Variants in PTPRN2 observed in about 807,000 individuals in gnomAD.
The protein encoded by PTPRN2 is protein tyrosine phosphatase receptor type N2.
A neutral mutation model predicts 118.8 loss-of-function variants in PTPRN2; 74 were observed. The ratio of observed to expected loss-of-function variants is 0.62; its 90% CI spans 0.52 to 0.76. PTPRN2 has a LOEUF of 0.76. Among genes scored for constraint, PTPRN2 ranks in the 30% least tolerant of loss-of-function variants. The pLI is 0.00. For synonymous variants in PTPRN2, 641 were observed against 608.0 expected (o/e 1.05, Z -0.80); for missense variants, 1,481 against 1,394.4 (o/e 1.06, Z -0.99).
At chr7:158,043,895 T>C (rs995495155) in intron 11 of PTPRN2, among the ~76,000 whole-genome samples, 1 of 152,188 alleles carries the variant, frequency 6.6e-6, no homozygotes, top group Non-Finnish European at 1.5e-5. Flanking sequence ...ATAAAATGTG[T>C]GAGACTGATT....
At position 157,603,884 on chromosome 7, in the gene PTPRN2, C is replaced by T. The variant is rs1030001989; in HGVS notation, c.2418+118G>A. ...AATGGGCAGAGTCGGCCCTGTCCAC[C>T]GCAGAGACGCTGAGCTGGGTGGGGA... On this transcript the variant is annotated intron_variant, in intron 16 of 22. Transcript: ENST00000389418. The surrounding 1 kb of genome is among the most constrained non-coding windows in gnomAD (Gnocchi z 5.4). The T allele has an allele frequency of 8.4e-5, 81 of 964,514 alleles. No homozygotes were observed. Among genetic ancestry groups the T allele is most frequent in the Middle Eastern group, 4.3e-4 (2 of 4,662 alleles). 59.7% of individuals were successfully genotyped at this position (964,514 alleles called of 1,614,324 possible). A position where few individuals can be genotyped will look rare whatever the true frequency, so the allele number is the denominator to read the frequency against.
At chr7:158,230,413 C>G (rs368850053) in intron 3 of PTPRN2, among the ~76,000 whole-genome samples, 17 of 151,626 alleles carry the variant, frequency 1.1e-4, no homozygotes, top group African/African-American at 4.1e-4. Flanking sequence ...GAATGAAGCC[C>G]AAAAGACAAA....
At chr7:158,425,985 G>T (rs1815720124) in intron 2 of PTPRN2, among the ~76,000 whole-genome samples, 1 of 99,744 alleles carries the variant, frequency 1.0e-5, no homozygotes, top group Non-Finnish European at 2.0e-5. Context: ...GCCTAGCTGG[G>T]GCCTGCGCAC....
rs948417065 is a variant in PTPRN2 at position 158,555,017 on chromosome 7, G to A, written c.112+32541C>T. 6.6e-6 allele frequency among the ~76,000 whole-genome samples: 1 copy of A among 152,222 alleles called. No individual in the cohort carries two copies. The highest frequency in any genetic ancestry group is 2.4e-5 in the African/African-American group (1 of 41,530). ...TCCTCGACTACCAACTCCCCTCACC[G>A]GAGATGCCTGCCTGGGCCCTGAATT... On this transcript the variant is annotated intron_variant, in intron 1 of 22. Transcript: ENST00000389418. This position sits in a 1 kb window ranked among gnomAD's most constrained non-coding sequence, Gnocchi z 4.7.
chr7:157,761,889 C>CAAACA (rs1429564129), intron 12 of PTPRN2, among the ~76,000 whole-genome samples: 2 of 151,974 alleles, frequency 1.3e-5, no homozygotes, highest in African/African-American at 4.8e-5. Flanking sequence ...ACAATGAACT[C>CAAACA]AAACAAATTT....
intron 2 of PTPRN2, among the ~76,000 whole-genome samples, chr7:158,372,488 A>G (rs1372517663): frequency 3.6e-5 from 5 of 139,666 alleles, no homozygotes; most frequent in Non-Finnish European, 7.7e-5. Flanking sequence ...GCTGGTCCCC[A>G]GAGCTGGTCT....
At chr7:158,443,074 C>A (rs185304520) in intron 2 of PTPRN2, among the ~76,000 whole-genome samples, 80 of 151,418 alleles carry the variant, frequency 5.3e-4, no homozygotes, top group Non-Finnish European at 1.0e-3. Flanking sequence ...AAAAAAACAC[C>A]TTTTTTGTTC....
At chr7:158,128,250 C>T (rs1817860899) in intron 9 of PTPRN2, among the ~76,000 whole-genome samples, 1 of 152,198 alleles carries the variant, frequency 6.6e-6, no homozygotes, top group African/African-American at 2.4e-5. Flanking sequence ...GGGCAAAAAC[C>T]TCAATCTCCT....
At chr7:158,372,623 C>CCCCGGAGCTGGTCCCCACCACGCTGGTT (rs1345371404) in intron 2 of PTPRN2, among the ~76,000 whole-genome samples, 1 of 151,778 alleles carries the variant, frequency 6.6e-6, no homozygotes, top group Non-Finnish European at 1.5e-5. Context: ...CCACGCTGGT[C>CCCCGGAGCTGGTCCCCACCACGCTGGTT]CCCGGAGCTG....
In PTPRN2 at chr7:158,093,713, C is replaced by T. The variant is rs1254975226; in HGVS notation, c.1644-12336G>A. ...ATAATGCATACCTACTTTCCTTACACACACTTTTAATTTTACCACATTTCC... is the reference window on the plus strand; with the variant it reads ...ATAATGCATACCTACTTTCCTTACATACACTTTTAATTTTACCACATTTCC... On this transcript the variant is annotated intron_variant, in intron 10 of 22. Transcript: ENST00000389418. The surrounding 1 kb of genome is among the most constrained non-coding windows in gnomAD (Gnocchi z 4.4). 9.9e-5 allele frequency among the ~76,000 whole-genome samples: 15 copies of T among 152,198 alleles called. No homozygotes were observed. The highest frequency in any genetic ancestry group is 9.2e-4 in the Admixed American group (14 of 15,276).
chr7:158,060,444 C>T (rs1044503421), intron 11 of PTPRN2, among the ~76,000 whole-genome samples: 12 of 152,238 alleles, frequency 7.9e-5, no homozygotes, highest in African/African-American at 1.9e-4. Flanking sequence ...ACGGCTGTGG[C>T]GGCACCTCTC....
chr7:158,194,178 G>A (rs371598040), intron 4 of PTPRN2, among the ~76,000 whole-genome samples: 40 of 152,300 alleles, frequency 2.6e-4, no homozygotes, highest in Admixed American at 5.2e-4. Flanking sequence ...GTGTGAGTGC[G>A]TGTGTGCGTT....
intron 11 of PTPRN2, among the ~76,000 whole-genome samples, chr7:157,999,964 G>A (rs1487459098): frequency 6.6e-6 from 1 of 151,824 alleles, no homozygotes; most frequent in Non-Finnish European, 1.5e-5. Context: ...TCAGCTCACT[G>A]CAACCTCCAC....
intron 3 of PTPRN2, among the ~76,000 whole-genome samples, chr7:158,311,981 A>C (rs1374463247): frequency 9.2e-5 from 14 of 151,954 alleles, no homozygotes; most frequent in Non-Finnish European, 1.9e-4. Context: ...GCTCACATGT[A>C]GACACCCACA....
chr7:158,165,574 G>C (rs1353898141), intron 6 of PTPRN2, among the ~76,000 whole-genome samples: 2 of 152,284 alleles, frequency 1.3e-5, no homozygotes, highest in Non-Finnish European at 2.9e-5. Flanking sequence ...GCTCCCGGCT[G>C]CAGACAGCAG....
chr7:157,576,182 G>A (rs1215747222), intron 19 of PTPRN2, among the ~76,000 whole-genome samples: 2 of 152,222 alleles, frequency 1.3e-5, no homozygotes, highest in East Asian at 3.9e-4. Flanking sequence ...CACGGGCTAA[G>A]TGTCTCCGGG....
chr7:158,467,309 T>C (rs1244504077), intron 2 of PTPRN2, among the ~76,000 whole-genome samples: 2 of 152,166 alleles, frequency 1.3e-5, no homozygotes, highest in Non-Finnish European at 2.9e-5. Flanking sequence ...GTTTGTTTGT[T>C]TGTTTTGCTA....
At chr7:158,418,614 G>C (rs369748682) in intron 2 of PTPRN2, among the ~76,000 whole-genome samples, 2 of 95,066 alleles carry the variant, frequency 2.1e-5, no homozygotes, top group East Asian at 4.6e-4. Context: ...TCCGTGTCCC[G>C]CTGTGTTAAG....
At chr7:158,296,683 G>T (rs1237538832) in intron 3 of PTPRN2, among the ~76,000 whole-genome samples, 1 of 152,214 alleles carries the variant, frequency 6.6e-6, no homozygotes, top group African/African-American at 2.4e-5. Flanking sequence ...TCCCCTGCAG[G>T]TGGGAGCAGT....
Sources: gnomAD v4.1 joint callset for allele counts (sites outside exome capture counted in the v4.1 genomes callset) on GRCh38, gnomAD v4.1.1 for gene constraint, Gnocchi (gnomAD v3.1) non-coding constraint, MANE v1.5 for transcripts, NCBI Gene and HGNC (gene_info 2026-07-23, HGNC 2026-07-21) for gene names.